RAD54L2: variants seen among roughly 807,000 people sequenced by gnomAD.
RAD54L2 encodes the protein RAD54 like 2.
RAD54L2 carries 27 observed loss-of-function variants against 138.4 expected under a neutral mutation model. The ratio of observed to expected loss-of-function variants is 0.20; its 90% CI spans 0.14 to 0.27. RAD54L2 has a LOEUF of 0.27. Among genes scored for constraint, RAD54L2 ranks in the 10% least tolerant of loss-of-function variants. RAD54L2 has a pLI of 1.00. For synonymous variants in RAD54L2, 644 were observed against 723.2 expected, an observed-to-expected ratio of 0.89 and a Z score of 1.76; for missense variants, 1,396 against 1,890.2, an observed-to-expected ratio of 0.74 and a Z score of 4.85.
intron 5 of RAD54L2, 72 bp downstream of exon 5, chr3:51,629,545 A>G (rs1700784825): frequency 2.6e-6 from 4 of 1,558,048 alleles, no homozygotes; most frequent in Non-Finnish European, 3.5e-6. Context: ...ACAGTGGTCA[A>G]AAGCAGATCT....
chr3:51,601,152 CCTAA>C (rs1700071012), intron 3 of RAD54L2, among the ~76,000 whole-genome samples: 1 of 151,970 alleles, frequency 6.6e-6, no homozygotes, highest in South Asian at 2.1e-4. Flanking sequence ...AAATGTATTT[CCTAA>C]CTAATCACCA....
chr3:51,602,020 C>T (rs936181284), intron 3 of RAD54L2, among the ~76,000 whole-genome samples: 13 of 151,560 alleles, frequency 8.6e-5, no homozygotes, highest in African/African-American at 2.4e-4. Flanking sequence ...TTAATAGAGA[C>T]GCGGTTTCAC....
At chr3:51,589,286 C>T (rs1699782953) in intron 2 of RAD54L2, among the ~76,000 whole-genome samples, 1 of 152,144 alleles carries the variant, frequency 6.6e-6, no homozygotes, top group Non-Finnish European at 1.5e-5. Context: ...GTCCTAGCTA[C>T]TCAGGAGGTC....
At chr3:51,634,867 A>G (rs1285738000) in intron 9 of RAD54L2, among the ~76,000 whole-genome samples, 2 of 152,214 alleles carry the variant, frequency 1.3e-5, no homozygotes, top group African/African-American at 4.8e-5. Context: ...CTGATTTCCA[A>G]AAGTCTAAAG....
At chr3:51,626,112 C>A (rs1700673352) in intron 3 of RAD54L2, among the ~76,000 whole-genome samples, 1 of 152,058 alleles carries the variant, frequency 6.6e-6, no homozygotes, top group Non-Finnish European at 1.5e-5. Context: ...ACCAAAAAAA[C>A]CCCACAAAGT....
chr3:51,607,062 CTTTTTATTTTTTTTTATT>C (rs1475469914), intron 3 of RAD54L2, among the ~76,000 whole-genome samples: 8 of 138,928 alleles, frequency 5.8e-5, no homozygotes, highest in African/African-American at 2.1e-4. Flanking sequence ...TTGGATTTCT[CTTTTTATTTTTTTTTATT>C]TTTTTATTTT....
chr3:51,638,079 T>C lies in RAD54L2; in HGVS notation c.1683-65T>C. 6.6e-7 allele frequency: 1 copy of C among 1,506,254 alleles called. No homozygotes were observed. The highest frequency in any genetic ancestry group is 2.3e-5 in the East Asian group (1 of 43,240). 93.3% of individuals were successfully genotyped at this position (1,506,254 alleles called of 1,614,324 possible). ...TGGCAGGAGTGCAAAAGGCTCTGTT[T>C]TTATCTTGTGCTGACCCCTCCTGGC... On this transcript the variant is annotated intron_variant, in intron 11 of 22. Transcript: ENST00000684192. This position sits in a 1 kb window ranked among gnomAD's most constrained non-coding sequence, Gnocchi z 4.3.
chr3:51,547,701 C>T (rs1478980077), intron 2 of RAD54L2, among the ~76,000 whole-genome samples: 1 of 151,516 alleles, frequency 6.6e-6, no homozygotes, highest in Non-Finnish European at 1.5e-5. Context: ...CCCTCCTCAG[C>T]CTCTTGAGTA....
At position 51,655,739 on chromosome 3, in the gene RAD54L2, T is replaced by G. The variant is rs148340384; in HGVS notation, c.3027-232T>G. Among the ~76,000 whole-genome samples, 7 of 152,330 alleles carry G rather than the reference T, an allele frequency of 4.6e-5. No homozygotes were observed. The East Asian group carries it at 1.4e-3, about 29-fold the overall frequency. ...TCCAGAAAGTATTATTCCACCAACA[T>G]CTGATTCTCCTTAGACTTTGACAGA... is the stretch of plus-strand genomic sequence containing the variant. On this transcript the variant is annotated intron_variant, in intron 19 of 22. Transcript: ENST00000684192.
intron 2 of RAD54L2, among the ~76,000 whole-genome samples, 185 bp from the exon 3 acceptor site, chr3:51,590,182 G>T (rs1699809789): frequency 6.6e-6 from 1 of 152,060 alleles, no homozygotes; most frequent in Non-Finnish European, 1.5e-5. Flanking sequence ...GTAGAGATGG[G>T]TTTTCACCAT....
chr3:51,543,951 G>C (rs1287203810), intron 2 of RAD54L2, among the ~76,000 whole-genome samples: 1 of 152,142 alleles, frequency 6.6e-6, no homozygotes, highest in Non-Finnish European at 1.5e-5. Flanking sequence ...CCTCTCTTCT[G>C]TATGACATTG....
rs111597009 is a variant in RAD54L2, at chr3:51,662,493, C to T, written c.3477C>T (p.Pro1159=). The change falls in exon 23 of 23, where the codon CCC becomes CCT. Residue 1159 remains proline, a synonymous_variant. Transcript: ENST00000684192. This position sits in a 1 kb window ranked among gnomAD's most constrained non-coding sequence, Gnocchi z 4.6. ...GRHSASSPKA[P]DPEGLARPVS... ...ACAGTGCCTCATCACCCAAAGCCCC[C>T]GACCCTGAGGGGCTGGCCAGGCCCG... is the stretch of plus-strand genomic sequence containing the variant. The T allele has an allele frequency of 1.1e-3, 1,813 of 1,604,656 alleles. 14 individuals are homozygous for T. The African/African-American group carries it at 0.021, about 19-fold the overall frequency.
chr3:51,593,325 CTTT>C (rs57001963), intron 3 of RAD54L2, among the ~76,000 whole-genome samples: 1 of 143,024 alleles, frequency 7.0e-6, no homozygotes, highest in Non-Finnish European at 1.5e-5. Context: ...ACTTCAGCCC[CTTT>C]TTTTTTTTTT....
Position 51,630,912 on chromosome 3 carries a change from G to A in RAD54L2, c.806G>A (p.Arg269Gln), listed in dbSNP as rs1700822910. Residue 269 changes from arginine (R) to glutamine (Q), a missense_variant, in exon 7 of 23, where the codon CGG becomes CAG. Physicochemically the swap from Arg to Gln is conservative, Grantham distance 43. This residue lies in a region of RAD54L2 where 256 missense variants were observed against 344.6 expected (regional missense o/e 0.74). Coordinates refer to ENST00000684192, the MANE Select transcript of RAD54L2 (RefSeq NM_015106.4). ...GTCTTCCTTGCCCCACAGTTGGCACGGGCTGTGAAACCTCATCAGGTACAG... is the reference window on the plus strand; with the variant it reads ...GTCTTCCTTGCCCCACAGTTGGCACAGGCTGTGAAACCTCATCAGGTACAG... Reference protein sequence around the residue: ...ENVFLAPQLARAVKPHQIGGI... With the variant: ...ENVFLAPQLAQAVKPHQIGGI... 2.5e-6 allele frequency: 4 copies of A among 1,613,026 alleles called. No individual in the cohort carries two copies. The highest frequency in any genetic ancestry group is 3.3e-5 in the Admixed American group (2 of 60,008).
In RAD54L2 at chr3:51,666,234, C is replaced by CT. The variant is rs1336886970; in HGVS notation, c.*2815dup. ...TAAAGAAAATAACCTGAAAACACTT[C>CT]TGACTTTTCCACTGTCTCTTTATAT... On this transcript the variant is annotated 3_prime_UTR_variant, in exon 23 of 23. Transcript: ENST00000684192. The CT allele has an allele frequency of 1.9e-5, 2 of 107,674 alleles. No individual in the cohort carries two copies. Among genetic ancestry groups the CT allele is most frequent in the Non-Finnish European group, 3.5e-5 (2 of 57,812 alleles). The allele number at this position is 107,674 out of a possible 1,614,324, so 6.7% of individuals were successfully genotyped here. A position where few individuals can be genotyped will look rare whatever the true frequency, so the allele number is the denominator to read the frequency against.
intron 1 of RAD54L2, among the ~76,000 whole-genome samples, chr3:51,539,567 A>G (rs1357454746): frequency 1.3e-5 from 2 of 152,152 alleles, no homozygotes; most frequent in Non-Finnish European, 2.9e-5. Flanking sequence ...GAGTAGTGGC[A>G]CACGGTGAGT....
At chr3:51,584,001 G>A (rs1233001952) in intron 2 of RAD54L2, among the ~76,000 whole-genome samples, 1 of 152,008 alleles carries the variant, frequency 6.6e-6, no homozygotes, top group Non-Finnish European at 1.5e-5. Context: ...GAGAATTGCT[G>A]TTTTAGAATC....
At chr3:51,576,533 T>C (rs781380812) in intron 2 of RAD54L2, among the ~76,000 whole-genome samples, 2 of 152,194 alleles carry the variant, frequency 1.3e-5, no homozygotes, top group Non-Finnish European at 2.9e-5. Flanking sequence ...GAGCCTGTTA[T>C]TGGTCTATTG....
At position 51,648,112 on chromosome 3, in the gene RAD54L2, C is replaced by T. The variant is rs568558444; in HGVS notation, c.3026+1631C>T. Among the ~76,000 whole-genome samples, 69 of 152,328 alleles carry T rather than the reference C, an allele frequency of 4.5e-4. 2 individuals are homozygous for T. The East Asian group carries it at 0.012, about 26-fold the overall frequency. ...CCACCCAAATACTGCGCTTTTCCAA[C>T]GGTCTTAGCAAACGGCACACCAGGA... On this transcript the variant is annotated intron_variant, in intron 19 of 22. Transcript: ENST00000684192.
Sources: gnomAD v4.1 joint callset for allele counts (sites outside exome capture counted in the v4.1 genomes callset) on GRCh38, gnomAD v4.1.1 for gene constraint, gnomAD v4.1.1 regional missense constraint, Gnocchi (gnomAD v3.1) non-coding constraint, MANE v1.5 for transcripts, NCBI Gene and HGNC (gene_info 2026-07-23, HGNC 2026-07-21) for gene names.